Variants in DES observed in about 807,000 individuals in gnomAD.
DES encodes the protein cardiomyopathy, dilated 1F (autosomal dominant).
In DES, 34 loss-of-function variants were observed where a neutral mutation model predicts 55.1. That is an observed-to-expected ratio of 0.62 (90% CI 0.47 to 0.82). DES has a LOEUF of 0.82. Among genes scored for constraint, DES ranks in the 40% least tolerant of loss-of-function variants. DES has a pLI of 0.00. For synonymous variants in DES, 259 were observed against 270.8 expected (o/e 0.96, Z 0.43); for missense variants, 596 against 645.9 (o/e 0.92, Z 0.84).
chr2:219,423,594 C>A (rs1418160235), intron 6 of DES, among the ~76,000 whole-genome samples, 183 bp from the exon 7 acceptor site: 2 of 152,048 alleles, frequency 1.3e-5, no homozygotes, highest in Admixed American at 6.6e-5. Context: ...TGCCCGCCAC[C>A]ATGCCCGGCT....
Position 219,422,841 on chromosome 2 carries a change from C to T in DES, c.1245-936C>T, listed in dbSNP as rs141594314. Among the ~76,000 whole-genome samples, 37 of 152,266 alleles carry T rather than the reference C, an allele frequency of 2.4e-4. No homozygotes were observed. The East Asian group carries it at 6.7e-3, about 28-fold the overall frequency. Reference sequence around the variant, plus strand: ...ATTGATCAAAACTCATTGAATTGTACATTAAAGATCTGTGCATTTCACTGT... The same window carrying T: ...ATTGATCAAAACTCATTGAATTGTATATTAAAGATCTGTGCATTTCACTGT... On this transcript the variant is annotated intron_variant, in intron 6 of 8. Coordinates refer to ENST00000373960, the MANE Select transcript of DES (RefSeq NM_001927.4).
chr2:219,420,873 CGCCAG>C lies in DES; in HGVS notation c.948_952del (p.Lys318GlyfsTer17), dbSNP rs2125168194. On this transcript the variant is annotated frameshift_variant, in exon 5 of 9. Transcript: ENST00000373960. LOFTEE classifies it high-confidence loss of function. The surrounding 1 kb of genome is among the most constrained non-coding windows in gnomAD (Gnocchi z 6.0). ...AGCCAACAAGAACAACGACGCCCTG[CGCCAG>C]GCCAAGCAGGAGATGATGGAATACC... 8 of 1,613,822 alleles carry C rather than the reference CGCCAG, an allele frequency of 5.0e-6. No homozygotes were observed. Among genetic ancestry groups the C allele is most frequent in the Non-Finnish European group, 6.8e-6 (8 of 1,179,998 alleles).
At position 219,418,724 on chromosome 2, in the gene DES, C is replaced by A; in HGVS notation, c.262C>A (p.Leu88Met). 16 of 1,563,084 alleles carry A rather than the reference C, an allele frequency of 1.0e-5. No individual in the cohort carries two copies. The highest frequency in any genetic ancestry group is 1.3e-5 in the Non-Finnish European group (15 of 1,153,346). Residue 88 changes from leucine (L) to methionine (M), a missense_variant, in exon 1 of 9, where the codon CTG becomes ATG. Coordinates refer to ENST00000373960, the MANE Select transcript of DES (RefSeq NM_001927.4). ...RTPSSYGAGELLDFSLADAVN... is the reference protein window; with the variant it reads ...RTPSSYGAGEMLDFSLADAVN... ...GCCCTCCTCCTACGGCGCAGGCGAG[C>A]TGCTGGACTTCTCACTGGCCGACGC...
Position 219,420,565 on chromosome 2 carries a change from A to C in DES, c.806A>C (p.Asp269Ala). ...VQVEMDMSKP[D>A]LTAALRDIRA... ...GTGGAGATGGACATGTCTAAGCCAG[A>C]CCTCACTGCCGCCCTCAGGGACATC... The change falls in exon 4 of 9, where the codon GAC becomes GCC. Residue 269 changes from aspartate to alanine, a missense_variant. Physicochemically the swap from Asp to Ala is moderately radical, Grantham distance 126. Transcript: ENST00000373960. This position sits in a 1 kb window ranked among gnomAD's most constrained non-coding sequence, Gnocchi z 6.0. 1.9e-6 allele frequency: 3 copies of C among 1,613,842 alleles called. No individual in the cohort carries two copies. Among genetic ancestry groups the C allele is most frequent in the Non-Finnish European group, 2.5e-6 (3 of 1,179,966 alleles).
In DES at chr2:219,420,855, A is replaced by G; in HGVS notation, c.925A>G (p.Lys309Glu). ...KVSDLTQAAN[K>E]NNDALRQAKQ... ...GTCAGACCTGACCCAGGCAGCCAACAAGAACAACGACGCCCTGCGCCAGGC... is the reference window on the plus strand; with the variant it reads ...GTCAGACCTGACCCAGGCAGCCAACGAGAACAACGACGCCCTGCGCCAGGC... The change falls in exon 5 of 9, where the codon AAG becomes GAG. Residue 309 changes from lysine to glutamate, a missense_variant. Coordinates refer to ENST00000373960, the MANE Select transcript of DES (RefSeq NM_001927.4). This position sits in a 1 kb window ranked among gnomAD's most constrained non-coding sequence, Gnocchi z 6.0. 6.2e-7 allele frequency: 1 copy of G among 1,613,768 alleles called. No individual in the cohort carries two copies.
chr2:219,420,533 G>T lies in DES; in HGVS notation c.774G>T (p.Gln258His). 1 of 1,613,968 alleles carries T rather than the reference G, an allele frequency of 6.2e-7. No homozygotes were observed. Among genetic ancestry groups the T allele is most frequent in the South Asian group, 1.1e-5 (1 of 91,072 alleles). The change falls in exon 4 of 9, where the codon CAG (glutamine) becomes CAT (histidine). Residue 258 changes from glutamine to histidine, a missense_variant. Transcript: ENST00000373960. This position sits in a 1 kb window ranked among gnomAD's most constrained non-coding sequence, Gnocchi z 6.0. ...TGCAGGCTCAGCTTCAGGAACAGCA[G>T]GTCCAGGTGGAGATGGACATGTCTA... Reference protein sequence around the residue: ...RELQAQLQEQQVQVEMDMSKP... With the variant: ...RELQAQLQEQHVQVEMDMSKP...
rs1292042317 is a variant in DES, at chr2:219,421,464, G to A, written c.1148G>A (p.Arg383His). The A allele has an allele frequency of 4.3e-6, 7 of 1,614,048 alleles. No homozygotes were observed. Among genetic ancestry groups the A allele is most frequent in the African/African-American group, 1.3e-5 (1 of 74,934 alleles). Residue 383 changes from arginine to histidine, a missense_variant, in exon 6 of 9, where the codon CGC becomes CAC. Physicochemically the swap from Arg to His is conservative, Grantham distance 29. Transcript: ENST00000373960. ...EIRHLKDEMA[R>H]HLREYQDLLN... is the part of the protein sequence containing the mutation. ...CGGCACCTCAAGGATGAGATGGCCC[G>A]CCATCTGCGCGAGTACCAGGACCTG... is the stretch of plus-strand genomic sequence containing the variant.
In DES at chr2:219,418,577, G is replaced by A. The variant is rs758434755; in HGVS notation, c.115G>A (p.Gly39Ser). The change falls in exon 1 of 9, where the codon GGT (glycine) becomes AGT (serine). Residue 39 changes from glycine (G) to serine (S), a missense_variant. Transcript: ENST00000373960. ...GAGTTCGCCCGTGTTCCCGCGGGCGGGTTTCGGCTCTAAGGGCTCCTCCAG... is the reference window on the plus strand; with the variant it reads ...GAGTTCGCCCGTGTTCCCGCGGGCGAGTTTCGGCTCTAAGGGCTCCTCCAG... ...PLSSPVFPRA[G>S]FGSKGSSSSV... The A allele has an allele frequency of 6.2e-7, 1 of 1,604,280 alleles. No homozygotes were observed. The highest frequency in any genetic ancestry group is 1.3e-5 in the African/African-American group (1 of 74,712).
At chr2:219,422,183 A>T (rs1008680947) in intron 6 of DES, among the ~76,000 whole-genome samples, 6 of 152,204 alleles carry the variant, frequency 3.9e-5, no homozygotes, top group African/African-American at 1.4e-4. Context: ...ATGAAAGCAG[A>T]ATGGGGAGTG....
chr2:219,419,140 G>T lies in DES; in HGVS notation c.578+100G>T. ...GCTGTCAGCACCTGCCTTCTCCCGG[G>T]GCCCGGGACCCTCTCCTGCCCCATG... On this transcript the variant is annotated intron_variant, in intron 1 of 8. Transcript: ENST00000373960. This position sits in a 1 kb window ranked among gnomAD's most constrained non-coding sequence, Gnocchi z 4.3. 6.5e-7 allele frequency: 1 copy of T among 1,529,198 alleles called. No individual in the cohort carries two copies. The highest frequency in any genetic ancestry group is 8.7e-7 in the Non-Finnish European group (1 of 1,143,724). The allele number at this position is 1,529,198 out of a possible 1,614,324, so 94.7% of individuals were successfully genotyped here. A position where few individuals can be genotyped will look rare whatever the true frequency, so the allele number is the denominator to read the frequency against.
In DES at chr2:219,418,783, C is replaced by T. The variant is rs1213790697; in HGVS notation, c.321C>T (p.Asn107=). The T allele has an allele frequency of 6.4e-7, 1 of 1,566,008 alleles. No homozygotes were observed. The highest frequency in any genetic ancestry group is 8.7e-7 in the Non-Finnish European group (1 of 1,154,586). Residue 107 remains asparagine, a synonymous_variant, in exon 1 of 9, where the codon AAC becomes AAT. Coordinates refer to ENST00000373960, the MANE Select transcript of DES (RefSeq NM_001927.4). ...VNQEFLTTRT[N]EKVELQELND... ...AGGAGTTTCTGACCACGCGCACCAACGAGAAGGTGGAGCTGCAGGAGCTCA... is the reference window on the plus strand; with the variant it reads ...AGGAGTTTCTGACCACGCGCACCAATGAGAAGGTGGAGCTGCAGGAGCTCA...
chr2:219,421,103 T>C (rs1318301041), intron 5 of DES, 150 bp downstream of exon 5: 2 of 1,271,610 alleles, frequency 1.6e-6, no homozygotes, highest in African/African-American at 1.5e-5. Flanking sequence ...TGGATTCCAG[T>C]TGGATGCTAA....
rs1292042317 is a variant in DES at position 219,421,464 on chromosome 2, G to T, written c.1148G>T (p.Arg383Leu). ...EIRHLKDEMA[R>L]HLREYQDLLN... ...CGGCACCTCAAGGATGAGATGGCCCGCCATCTGCGCGAGTACCAGGACCTG... is the reference window on the plus strand; with the variant it reads ...CGGCACCTCAAGGATGAGATGGCCCTCCATCTGCGCGAGTACCAGGACCTG... The change falls in exon 6 of 9, where the codon CGC becomes CTC. Residue 383 changes from arginine (R) to leucine (L), a missense_variant. Arg to Leu is a moderately radical substitution (Grantham distance 102). Transcript: ENST00000373960. The T allele has an allele frequency of 3.7e-6, 6 of 1,614,166 alleles. No individual in the cohort carries two copies. Among genetic ancestry groups the T allele is most frequent in the Middle Eastern group, 1.6e-4 (1 of 6,062 alleles).
rs1290191112 is a variant in DES at position 219,420,432 on chromosome 2, A to G, written c.736-63A>G. On this transcript the variant is annotated intron_variant, in intron 3 of 8. Transcript: ENST00000373960. This position sits in a 1 kb window ranked among gnomAD's most constrained non-coding sequence, Gnocchi z 6.0. ...GGTTGGGGTGAGGCTCTGGCTGGGA[A>G]TAGGGGTGTGAGGGTGCTGTGTGGG... 1 of 1,612,440 alleles carries G rather than the reference A, an allele frequency of 6.2e-7. No homozygotes were observed. Among genetic ancestry groups the G allele is most frequent in the Non-Finnish European group, 8.5e-7 (1 of 1,179,090 alleles).
intron 6 of DES, among the ~76,000 whole-genome samples, 189 bp downstream of exon 6, chr2:219,421,749 C>CA (rs1954449238): frequency 6.6e-6 from 1 of 152,112 alleles, no homozygotes; most frequent in Non-Finnish European, 1.5e-5. Flanking sequence ...TCACTGCAAC[C>CA]TCCGCCTCCT....
rs1406795636 is a variant in DES, at chr2:219,418,776, G to T, written c.314G>T (p.Arg105Leu). 1.3e-6 allele frequency: 2 copies of T among 1,563,530 alleles called. No individual in the cohort carries two copies. Among genetic ancestry groups the T allele is most frequent in the Non-Finnish European group, 1.7e-6 (2 of 1,153,298 alleles). The change falls in exon 1 of 9, where the codon CGC becomes CTC. Residue 105 changes from arginine (R) to leucine (L), a missense_variant. Transcript: ENST00000373960. ...GTGAACCAGGAGTTTCTGACCACGC[G>T]CACCAACGAGAAGGTGGAGCTGCAG... ...DAVNQEFLTT[R>L]TNEKVELQEL...
In DES at chr2:219,421,489, G is replaced by A. The variant is rs761797652; in HGVS notation, c.1173G>A (p.Leu391=). 1.2e-6 allele frequency: 2 copies of A among 1,614,106 alleles called. No individual in the cohort carries two copies. Among genetic ancestry groups the A allele is most frequent in the South Asian group, 2.2e-5 (2 of 91,082 alleles). The change falls in exon 6 of 9, where the codon CTG becomes CTA. Residue 391 remains leucine, a synonymous_variant. Coordinates refer to ENST00000373960, the MANE Select transcript of DES (RefSeq NM_001927.4). ...GCCATCTGCGCGAGTACCAGGACCT[G>A]CTCAACGTGAAGATGGCCCTGGATG... The part of the protein sequence containing the change: ...MARHLREYQD[L]LNVKMALDVE...
chr2:219,422,340 A>G (rs771880262), intron 6 of DES, among the ~76,000 whole-genome samples: 14 of 152,172 alleles, frequency 9.2e-5, no homozygotes, highest in Non-Finnish European at 1.8e-4. Context: ...CAGCATATGC[A>G]CATGTTCGGA....
Position 219,418,677 on chromosome 2 carries a change from G to A in DES, c.215G>A (p.Ser72Asn). The A allele has an allele frequency of 6.3e-7, 1 of 1,577,236 alleles. No homozygotes were observed. Among genetic ancestry groups the A allele is most frequent in the Non-Finnish European group, 8.6e-7 (1 of 1,161,822 alleles). ...GAGGLGSLRA[S>N]RLGTTRTPSS... ...GGGGGCCTGGGGTCGCTGCGGGCCA[G>A]CCGGCTGGGGACCACCCGCACGCCC... The change falls in exon 1 of 9, where the codon AGC becomes AAC. Residue 72 changes from serine (S) to asparagine (N), a missense_variant. Transcript: ENST00000373960.
Sources: gnomAD v4.1 joint callset for allele counts (sites outside exome capture counted in the v4.1 genomes callset) on GRCh38, gnomAD v4.1.1 for gene constraint, Gnocchi (gnomAD v3.1) non-coding constraint, MANE v1.5 for transcripts, NCBI Gene and HGNC (gene_info 2026-07-23, HGNC 2026-07-21) for gene names.